Variants in ZNF710 observed in about 807,000 individuals in gnomAD.
ZNF710 encodes the protein zinc finger protein 710.
A neutral mutation model predicts 50.6 loss-of-function variants in ZNF710; 13 were observed. The observed-to-expected ratio is 0.26, with a 90% CI of 0.17 to 0.41. ZNF710 has a LOEUF of 0.41. ZNF710 is among the 10% of genes least tolerant of loss of function. The pLI, the probability that ZNF710 is intolerant of heterozygous loss-of-function variation, is 1.00. For missense variants in ZNF710, 721 were observed against 936.6 expected (o/e 0.77, Z 3.01); for synonymous variants, 383 against 397.0 (o/e 0.96, Z 0.42).
rs554912879 is a variant in ZNF710, at chr15:90,032,078, C to A, written c.-29+30464C>A. On this transcript the variant is annotated intron_variant, in intron 1 of 4. Transcript: ENST00000268154. ...GTGGCGCGATCTCAGCTCACTGCAA[C>A]CTCTGGCTCCCAGGTTCAAGCAATT... Among the ~76,000 whole-genome samples the A allele has an allele frequency of 4.6e-5, 7 of 152,342 alleles. No homozygotes were observed. The East Asian group carries it at 1.4e-3, about 29-fold the overall frequency.
chr15:90,065,198 G>A (rs1652719042), intron 1 of ZNF710, among the ~76,000 whole-genome samples: 1 of 152,186 alleles, frequency 6.6e-6, no homozygotes, highest in Non-Finnish European at 1.5e-5. Context: ...ATTTTTAGCC[G>A]TCCTCAGGAA....
At chr15:90,066,462 C>A (rs902530283) in intron 1 of ZNF710, among the ~76,000 whole-genome samples, 2 of 147,396 alleles carry the variant, frequency 1.4e-5, no homozygotes, top group Non-Finnish European at 3.0e-5. Flanking sequence ...TTTTTGAATC[C>A]GATTTTTAAG....
chr15:90,003,677 G>T (rs985875308), intron 1 of ZNF710, among the ~76,000 whole-genome samples: 1 of 152,178 alleles, frequency 6.6e-6, no homozygotes, highest in Non-Finnish European at 1.5e-5. Flanking sequence ...TGAAAACCTA[G>T]AGTGGCCATT....
chr15:90,035,039 T>C (rs1899077472), intron 1 of ZNF710, among the ~76,000 whole-genome samples: 1 of 152,204 alleles, frequency 6.6e-6, no homozygotes, highest in Non-Finnish European at 1.5e-5. Context: ...GAGGCCCGTA[T>C]AGTACTGGGA....
intron 1 of ZNF710, among the ~76,000 whole-genome samples, chr15:90,022,158 A>T (rs926549636): frequency 6.6e-6 from 1 of 152,108 alleles, no homozygotes; most frequent in African/African-American, 2.4e-5. Context: ...CGAGCGAATC[A>T]CGAGGTCAGG....
chr15:90,051,648 AT>A (rs1899650189), intron 1 of ZNF710, among the ~76,000 whole-genome samples: 1 of 152,224 alleles, frequency 6.6e-6, no homozygotes, highest in African/African-American at 2.4e-5. Flanking sequence ...AATAATAATA[AT>A]TAATTAATTA....
chr15:90,012,419 C>T (rs556945440), intron 1 of ZNF710, among the ~76,000 whole-genome samples: 26 of 151,188 alleles, frequency 1.7e-4, no homozygotes, highest in South Asian at 1.5e-3. Context: ...TACAGGCAAC[C>T]GCCACCACAC....
At chr15:90,063,023 A>G (rs1026814473) in intron 1 of ZNF710, among the ~76,000 whole-genome samples, 4 of 152,102 alleles carry the variant, frequency 2.6e-5, no homozygotes, top group East Asian at 1.9e-4. Context: ...CAGTGGCTCA[A>G]TGAAGACTTC....
chr15:90,079,199 A>T (rs1296998319), intron 4 of ZNF710, among the ~76,000 whole-genome samples: 1 of 152,160 alleles, frequency 6.6e-6, no homozygotes, highest in Non-Finnish European at 1.5e-5. Flanking sequence ...TGAGCTGCTA[A>T]ATGGGGCTGT....
intron 1 of ZNF710, among the ~76,000 whole-genome samples, chr15:90,014,814 T>C (rs1194243975): frequency 4.0e-5 from 6 of 151,866 alleles, no homozygotes; most frequent in Admixed American, 3.9e-4. Flanking sequence ...TTGCAACATA[T>C]ATCATGGAGC....
At chr15:90,061,222 G>A (rs928504108) in intron 1 of ZNF710, among the ~76,000 whole-genome samples, 4 of 152,084 alleles carry the variant, frequency 2.6e-5, no homozygotes, top group African/African-American at 9.7e-5. Context: ...CCAGGCTAGA[G>A]TGCAGTGGCG....
chr15:90,031,304 T>A (rs75436823), intron 1 of ZNF710, among the ~76,000 whole-genome samples: 1 of 152,168 alleles, frequency 6.6e-6, no homozygotes, highest in Admixed American at 6.5e-5. Flanking sequence ...GGGATTGAAA[T>A]GTACCCTGGG....
intron 1 of ZNF710, among the ~76,000 whole-genome samples, chr15:90,026,747 G>A (rs1201538162): frequency 9.9e-5 from 15 of 152,124 alleles, no homozygotes; most frequent in Non-Finnish European, 2.1e-4. Flanking sequence ...TAGTAACTAC[G>A]TCATGCTAAT....
At chr15:90,000,259 C>T (rs1897980440), upstream of ZNF710, among the ~76,000 whole-genome samples, 1 of 152,236 alleles carries the variant, frequency 6.6e-6, no homozygotes, top group South Asian at 2.1e-4. Flanking sequence ...GCGGCACTGC[C>T]CGGCTCTGTC....
At chr15:90,077,597 G>A (rs1478312564) in intron 4 of ZNF710, among the ~76,000 whole-genome samples, 1 of 152,114 alleles carries the variant, frequency 6.6e-6, no homozygotes, top group Non-Finnish European at 1.5e-5. Flanking sequence ...ACATGAGGGT[G>A]TGGCACTAGG....
At chr15:90,077,846 C>A (rs1900629814) in intron 4 of ZNF710, among the ~76,000 whole-genome samples, 1 of 152,104 alleles carries the variant, frequency 6.6e-6, no homozygotes, top group Admixed American at 6.5e-5. Flanking sequence ...GAGTTTGAGG[C>A]TGCAGTGAGC....
At chr15:90,002,419 G>C (rs1237684376) in intron 1 of ZNF710, 2 of 152,152 alleles carry the variant, frequency 1.3e-5, no homozygotes, top group Non-Finnish European at 2.9e-5. Flanking sequence ...CCTACGGCCC[G>C]TCTTGAGCCT....
At chr15:90,013,120 TG>T (rs1191028478) in intron 1 of ZNF710, among the ~76,000 whole-genome samples, 1 of 152,196 alleles carries the variant, frequency 6.6e-6, no homozygotes, top group Non-Finnish European at 1.5e-5. Flanking sequence ...TCATTTGAGA[TG>T]GAGTTTCATT....
At chr15:90,063,584 A>G (rs561997128) in intron 1 of ZNF710, among the ~76,000 whole-genome samples, 84 of 152,154 alleles carry the variant, frequency 5.5e-4, no homozygotes, top group African/African-American at 1.9e-3. Flanking sequence ...ACACAGACGC[A>G]CCTTCTCAAG....
Sources: allele counts gnomAD v4.1 joint callset (sites outside exome capture counted in the v4.1 genomes callset), GRCh38; gene constraint gnomAD v4.1.1; transcripts MANE v1.5; gene names NCBI Gene and HGNC (gene_info 2026-07-23, HGNC 2026-07-21).